Variants in ARHGEF26 observed in about 807,000 individuals in gnomAD.
ARHGEF26 encodes Rho guanine nucleotide exchange factor 26, also known as Rho guanine nucleotide exchange factor (GEF) 26.
In ARHGEF26, 59 loss-of-function variants were observed where a neutral mutation model predicts 89.4. That is an observed-to-expected ratio of 0.66 (90% confidence interval 0.54 to 0.82). ARHGEF26 has a LOEUF of 0.82. Ranked by LOEUF, ARHGEF26 falls within the 40% of genes least tolerant of loss-of-function variation. The pLI is 0.00. For synonymous variants in ARHGEF26, 500 were observed against 428.4 expected (o/e 1.17, Z -2.06); for missense variants, 1,234 against 1,085.6 (o/e 1.14, Z -1.92).
chr3:154,121,273 T>C (rs2108023968), upstream of ARHGEF26: 1 of 152,208 alleles, frequency 6.6e-6, no homozygotes, highest in Middle Eastern at 3.4e-3. Flanking sequence ...TGGGGCTGAT[T>C]GTAGGCACGC....
At chr3:154,246,139 C>T (rs185624204) in intron 12 of ARHGEF26, among the ~76,000 whole-genome samples, 3 of 152,210 alleles carry the variant, frequency 2.0e-5, no homozygotes, top group Admixed American at 6.5e-5. Context: ...AGGATAGGTA[C>T]TCTAACTTAG....
At chr3:154,151,580 C>T (rs561847287) in intron 5 of ARHGEF26, among the ~76,000 whole-genome samples, 195 of 152,266 alleles carry the variant, frequency 1.3e-3, no homozygotes, top group African/African-American at 4.6e-3. Flanking sequence ...TTAAATGAGA[C>T]TCTTAACATT....
intron 6 of ARHGEF26, among the ~76,000 whole-genome samples, chr3:154,154,681 C>T (rs1720223411): frequency 6.6e-6 from 1 of 151,804 alleles, no homozygotes; most frequent in African/African-American, 2.4e-5. Flanking sequence ...AAAGCATATT[C>T]TACTTATTTT....
chr3:154,198,829 C>T (rs1477909146), intron 9 of ARHGEF26, among the ~76,000 whole-genome samples: 2 of 152,050 alleles, frequency 1.3e-5, no homozygotes, highest in Non-Finnish European at 2.9e-5. Context: ...CACTAAAGAA[C>T]TTCTCCATGG....
At chr3:154,132,667 A>G (rs1192066520) in intron 4 of ARHGEF26, among the ~76,000 whole-genome samples, 2 of 152,130 alleles carry the variant, frequency 1.3e-5, no homozygotes, top group Non-Finnish European at 2.9e-5. Flanking sequence ...TGCAGCGTTT[A>G]GGGCAGGTCT....
chr3:154,217,019 G>A (rs1216136871), intron 9 of ARHGEF26, among the ~76,000 whole-genome samples: 4 of 143,168 alleles, frequency 2.8e-5, no homozygotes, highest in African/African-American at 7.9e-5. Context: ...CTTTATAGCA[G>A]CATGATTTAT....
chr3:154,154,499 C>G (rs976195431), intron 6 of ARHGEF26, among the ~76,000 whole-genome samples: 4 of 151,954 alleles, frequency 2.6e-5, no homozygotes, highest in African/African-American at 9.6e-5. Context: ...ATCAATTATA[C>G]CTCAATAAAG....
chr3:154,193,055 C>G (rs539434169), intron 8 of ARHGEF26, among the ~76,000 whole-genome samples: 1 of 151,744 alleles, frequency 6.6e-6, no homozygotes, highest in South Asian at 2.1e-4. Context: ...AGCCACAGAC[C>G]CCCCCTTGAG....
At chr3:154,218,061 A>AT in intron 10 of ARHGEF26, 103 bp downstream of exon 10, 1 of 1,085,102 alleles carries the variant, frequency 9.2e-7, no homozygotes, top group Non-Finnish European at 1.3e-6. Flanking sequence ...CTTTTCAAAG[A>AT]AGGGTCATAA....
chr3:154,141,435 C>G (rs1207920630), intron 4 of ARHGEF26, among the ~76,000 whole-genome samples: 3 of 152,192 alleles, frequency 2.0e-5, no homozygotes, highest in Non-Finnish European at 2.9e-5. Context: ...TTAACTAACT[C>G]TGCTCCAGTC....
chr3:154,128,626 A>T (rs1718481394), intron 3 of ARHGEF26, among the ~76,000 whole-genome samples: 1 of 152,152 alleles, frequency 6.6e-6, no homozygotes, highest in African/African-American at 2.4e-5. Flanking sequence ...ACATACAGAC[A>T]TACCAAGTAG....
chr3:154,235,696 C>T (rs1481764164), intron 11 of ARHGEF26, among the ~76,000 whole-genome samples: 1 of 152,078 alleles, frequency 6.6e-6, no homozygotes, highest in Non-Finnish European at 1.5e-5. Context: ...ATGAACATAC[C>T]TATCATCCAT....
chr3:154,211,179 CCCCATT>C (rs1715338717), intron 9 of ARHGEF26, among the ~76,000 whole-genome samples: 1 of 151,980 alleles, frequency 6.6e-6, no homozygotes, highest in Admixed American at 6.6e-5. Flanking sequence ...TCATGTGAGC[CCCCATT>C]CCATTGTCTC....
intron 6 of ARHGEF26, among the ~76,000 whole-genome samples, chr3:154,162,192 A>T (rs1297183091): frequency 1.3e-5 from 2 of 152,052 alleles, no homozygotes; most frequent in African/African-American, 4.8e-5. Flanking sequence ...TGGATTTTTG[A>T]CTCTGCCAGT....
chr3:154,142,231 T>TC (rs1354663487), intron 4 of ARHGEF26, among the ~76,000 whole-genome samples: 4 of 151,798 alleles, frequency 2.6e-5, no homozygotes, highest in African/African-American at 7.3e-5. Context: ...TTTTTTTTTT[T>TC]TCTTTTAAGG....
At chr3:154,230,500 G>T (rs774509429) in intron 11 of ARHGEF26, among the ~76,000 whole-genome samples, 1 of 151,438 alleles carries the variant, frequency 6.6e-6, no homozygotes, top group African/African-American at 2.4e-5. Context: ...CAACTTTTTT[G>T]TTTGTTTGGA....
chr3:154,145,219 T>A (rs138019857), intron 4 of ARHGEF26, among the ~76,000 whole-genome samples: 55 of 152,340 alleles, frequency 3.6e-4, no homozygotes, highest in African/African-American at 1.3e-3. Context: ...ACTCTCAAAC[T>A]GCTGCTGTTC....
In ARHGEF26 at chr3:154,152,520, G is replaced by A. The variant is rs142875799; in HGVS notation, c.1327-252G>A. ...CAAAGGCATGACCTCAGGATGTGAT[G>A]TCAAGTCATCCACATGATTTCATTT... On this transcript the variant is annotated intron_variant, in intron 5 of 14. Transcript: ENST00000465093. Among the ~76,000 whole-genome samples the A allele has an allele frequency of 1.8e-4, 27 of 152,272 alleles. No homozygotes were observed. In the East Asian group the frequency reaches 5.2e-3, roughly 29 times the overall value.
intron 4 of ARHGEF26, among the ~76,000 whole-genome samples, chr3:154,130,480 A>G (rs574021761): frequency 2.6e-5 from 4 of 152,276 alleles, no homozygotes; most frequent in Admixed American, 6.5e-5. Flanking sequence ...ATGTTTATAT[A>G]TTCTTAAAGC....
Sources: allele counts gnomAD v4.1 joint callset (sites outside exome capture counted in the v4.1 genomes callset), GRCh38; gene constraint gnomAD v4.1.1; transcripts MANE v1.5; gene names NCBI Gene and HGNC (gene_info 2026-07-23, HGNC 2026-07-21).